Variants in GRK5 observed in about 807,000 individuals in gnomAD.
GRK5 encodes the protein G protein-coupled receptor kinase 5.
In GRK5, 40 loss-of-function variants were observed where a neutral mutation model predicts 78.4. The observed-to-expected ratio is 0.51, with a 90% confidence interval of 0.40 to 0.66. The LOEUF is 0.66. Among genes scored for constraint, GRK5 ranks in the 30% least tolerant of loss-of-function variants. The probability of loss-of-function intolerance (pLI) is 0.00; values close to 1 mark genes in which losing one functional copy is unlikely to be tolerated. For synonymous variants in GRK5, 289 were observed against 296.8 expected (o/e 0.97, Z 0.27); for missense variants, 598 against 759.9 (o/e 0.79, Z 2.50).
At chr10:119,214,885 C>T (rs555818552) in intron 1 of GRK5, among the ~76,000 whole-genome samples, 19 of 152,242 alleles carry the variant, frequency 1.2e-4, no homozygotes, top group African/African-American at 4.3e-4. Context: ...GCAAGAAGAC[C>T]CTTTGGTTGA....
In GRK5 at chr10:119,457,751, A is replaced by T. The variant is rs1853421080; in HGVS notation, c.*2684A>T. On this transcript the variant is annotated 3_prime_UTR_variant, in exon 16 of 16. Coordinates refer to ENST00000392870, the MANE Select transcript of GRK5 (RefSeq NM_005308.3). ...CCCCAGGCTGAAGTGCAGTGGCATG[A>T]TTCTGGCTCACTGCAGCCTCAAACT... is the stretch of plus-strand genomic sequence containing the variant. 7.1e-6 allele frequency: 1 copy of T among 141,212 alleles called. No individual in the cohort carries two copies. The highest frequency in any genetic ancestry group is 2.2e-4 in the South Asian group (1 of 4,526). 8.7% of individuals were successfully genotyped at this position (141,212 alleles called of 1,614,324 possible). A position where few individuals can be genotyped will look rare whatever the true frequency, so the allele number is the denominator to read the frequency against.
At chr10:119,261,135 T>C (rs1208798614) in intron 1 of GRK5, among the ~76,000 whole-genome samples, 15 of 135,872 alleles carry the variant, frequency 1.1e-4, no homozygotes, top group Admixed American at 5.1e-4. Context: ...TTCCTCACTT[T>C]TCAGACGGGG....
intron 6 of GRK5, among the ~76,000 whole-genome samples, chr10:119,429,782 C>T (rs1410400353): frequency 1.3e-5 from 2 of 152,042 alleles, no homozygotes; most frequent in Admixed American, 6.6e-5. Flanking sequence ...TAAAGATCCC[C>T]AGGACACGAT....
At chr10:119,364,786 G>A (rs1224679537) in intron 2 of GRK5, among the ~76,000 whole-genome samples, 5 of 152,124 alleles carry the variant, frequency 3.3e-5, no homozygotes, top group African/African-American at 1.2e-4. Context: ...GTGCGCAGAA[G>A]GAAAAATAAG....
intron 3 of GRK5, among the ~76,000 whole-genome samples, chr10:119,386,620 C>T (rs1460304436): frequency 1.3e-5 from 2 of 152,222 alleles, no homozygotes; most frequent in Non-Finnish European, 1.5e-5. Flanking sequence ...CTGCCACTCA[C>T]GAGGGGCCGA....
At chr10:119,406,812 C>T (rs1852247700) in intron 4 of GRK5, among the ~76,000 whole-genome samples, 1 of 152,212 alleles carries the variant, frequency 6.6e-6, no homozygotes, top group African/African-American at 2.4e-5. Context: ...AGGGGTTGGG[C>T]CTCTTCCACT....
intron 2 of GRK5, among the ~76,000 whole-genome samples, chr10:119,362,591 T>C (rs972179799): frequency 7.9e-5 from 12 of 152,222 alleles, no homozygotes; most frequent in Non-Finnish European, 1.8e-4. Context: ...GACTAAATAG[T>C]GTCTCACAGG....
At chr10:119,232,767 AAACCTCTTT>A (rs1399325530) in intron 1 of GRK5, among the ~76,000 whole-genome samples, 1 of 152,214 alleles carries the variant, frequency 6.6e-6, no homozygotes, top group African/African-American at 2.4e-5. Flanking sequence ...AAGTCCAATG[AAACCTCTTT>A]CTTTTGTAAA....
At chr10:119,330,147 G>A (rs1432133636) in intron 2 of GRK5, 1 of 152,122 alleles carries the variant, frequency 6.6e-6, no homozygotes, top group Non-Finnish European at 1.5e-5. Context: ...ACAGGTGTGA[G>A]CCACTGCGCC....
At chr10:119,411,461 T>G (rs914385823) in intron 4 of GRK5, among the ~76,000 whole-genome samples, 1 of 152,148 alleles carries the variant, frequency 6.6e-6, no homozygotes, top group Non-Finnish European at 1.5e-5. Context: ...AAAGGCATCA[T>G]GGCCTCTGGA....
chr10:119,258,773 G>A (rs1849326172), intron 1 of GRK5, among the ~76,000 whole-genome samples: 1 of 152,200 alleles, frequency 6.6e-6, no homozygotes, highest in Non-Finnish European at 1.5e-5. Flanking sequence ...GAGTGGAGAG[G>A]GGAGAGGAAA....
At position 119,405,757 on chromosome 10, in the gene GRK5, G is replaced by A. The variant is rs916113107; in HGVS notation, c.339+8985G>A. Among the ~76,000 whole-genome samples the A allele has an allele frequency of 7.0e-4, 107 of 152,248 alleles. 2 individuals are homozygous for A. Among genetic ancestry groups the A allele is most frequent in the African/African-American group, 2.5e-3 (105 of 41,536 alleles). On this transcript the variant is annotated intron_variant, in intron 4 of 15. Coordinates refer to ENST00000392870, the MANE Select transcript of GRK5 (RefSeq NM_005308.3). ...ACTGAGTATGGGGCTGATAAAAATG[G>A]CGCCTACCTGTGCTTGTGGCCATCA... is the stretch of plus-strand genomic sequence containing the variant.
intron 1 of GRK5, among the ~76,000 whole-genome samples, chr10:119,266,883 T>C (rs1181986071): frequency 6.6e-6 from 1 of 151,764 alleles, no homozygotes; most frequent in Non-Finnish European, 1.5e-5. Context: ...CAAGTGATTC[T>C]TCTGCCTCAG....
At chr10:119,239,763 T>C (rs1848992282) in intron 1 of GRK5, among the ~76,000 whole-genome samples, 1 of 151,794 alleles carries the variant, frequency 6.6e-6, no homozygotes, top group Non-Finnish European at 1.5e-5. Flanking sequence ...CTCTCACTTA[T>C]GAATGTTTGG....
In GRK5 at chr10:119,452,730, C is replaced by T. The variant is rs143343212; in HGVS notation, c.1464C>T (p.Gly488=). The T allele has an allele frequency of 8.9e-5, 144 of 1,613,958 alleles. No individual in the cohort carries two copies. The highest frequency in any genetic ancestry group is 1.1e-4 in the Non-Finnish European group (129 of 1,180,000). The stretch of plus-strand genomic sequence containing the variant: ...TCGAGCAGTTCTCCACTGTGAAGGG[C>T]GTCAATCTGGACCACACAGACGACG... ...LDIEQFSTVK[G]VNLDHTDDDF... The change falls in exon 14 of 16, where the codon GGC becomes GGT. Residue 488 remains glycine (G), a synonymous_variant. Coordinates refer to ENST00000392870, the MANE Select transcript of GRK5 (RefSeq NM_005308.3). The surrounding 1 kb of genome is among the most constrained non-coding windows in gnomAD (Gnocchi z 4.4).
Position 119,445,157 on chromosome 10 carries a change from G to A in GRK5, c.1266+1405G>A, listed in dbSNP as rs1231677301. ...AAGCCACATGGTCATCGCAGCCAGG[G>A]CTAGGGTGGGGGGACCGGAGGAGCA... On this transcript the variant is annotated intron_variant, in intron 12 of 15. Coordinates refer to ENST00000392870, the MANE Select transcript of GRK5 (RefSeq NM_005308.3). This position sits in a 1 kb window ranked among gnomAD's most constrained non-coding sequence, Gnocchi z 4.1. Among the ~76,000 whole-genome samples, 2 of 152,208 alleles carry A rather than the reference G, an allele frequency of 1.3e-5. No individual in the cohort carries two copies. Among genetic ancestry groups the A allele is most frequent in the Non-Finnish European group, 2.9e-5 (2 of 68,040 alleles).
chr10:119,344,315 G>T (rs186430962), intron 2 of GRK5, among the ~76,000 whole-genome samples: 1 of 152,136 alleles, frequency 6.6e-6, no homozygotes, highest in Admixed American at 6.5e-5. Flanking sequence ...ATCTCCTAAT[G>T]CTATCCCTCC....
chr10:119,399,070 C>T (rs919988431), intron 4 of GRK5, among the ~76,000 whole-genome samples: 1 of 152,248 alleles, frequency 6.6e-6, no homozygotes, highest in African/African-American at 2.4e-5. Flanking sequence ...CCTAGCTCTG[C>T]TCAGCCTTGC....
chr10:119,358,633 A>G (rs966083019), intron 2 of GRK5, among the ~76,000 whole-genome samples: 4 of 152,204 alleles, frequency 2.6e-5, no homozygotes, highest in Non-Finnish European at 5.9e-5. Context: ...TTTAGAGACC[A>G]GGAAACTAAG....
Sources: gnomAD v4.1 joint callset for allele counts (sites outside exome capture counted in the v4.1 genomes callset) on GRCh38, gnomAD v4.1.1 for gene constraint, Gnocchi (gnomAD v3.1) non-coding constraint, MANE v1.5 for transcripts, NCBI Gene and HGNC (gene_info 2026-07-23, HGNC 2026-07-21) for gene names.